TRHDE: variants seen among roughly 807,000 people sequenced by gnomAD.
TRHDE encodes the protein thyrotropin releasing hormone degrading enzyme.
TRHDE carries 72 observed loss-of-function variants against 125.7 expected under a neutral mutation model. That is an observed-to-expected ratio of 0.57 (90% confidence interval 0.47 to 0.70). TRHDE has a LOEUF of 0.70. TRHDE is among the 30% of genes least tolerant of loss of function. The probability of loss-of-function intolerance (pLI) is 0.00; values close to 1 mark genes in which losing one functional copy is unlikely to be tolerated. For missense variants in TRHDE, 1,110 were observed against 1,327.1 expected, an observed-to-expected ratio of 0.84 and a Z score of 2.54; for synonymous variants, 509 against 509.1, an observed-to-expected ratio of 1.00 and a Z score of 0.00.
At chr12:72,507,014 C>G (rs988132437) in intron 6 of TRHDE, among the ~76,000 whole-genome samples, 2 of 152,120 alleles carry the variant, frequency 1.3e-5, no homozygotes, top group Non-Finnish European at 2.9e-5. Context: ...ATGTATACCA[C>G]CTCACCCTAC....
At chr12:72,168,880 G>C (rs1295245948) in intron 2 of TRHDE, among the ~76,000 whole-genome samples, 1 of 152,128 alleles carries the variant, frequency 6.6e-6, no homozygotes, top group Admixed American at 6.6e-5. Context: ...ACAGGACTGA[G>C]TTTCTTTACT....
intron 1 of TRHDE, among the ~76,000 whole-genome samples, chr12:72,282,336 C>T (rs1387218240): frequency 6.6e-6 from 1 of 152,138 alleles, no homozygotes; most frequent in Non-Finnish European, 1.5e-5. Flanking sequence ...ACCTCAAACT[C>T]ACCACAAATT....
At position 72,652,359 on chromosome 12, in the gene TRHDE, G is replaced by A. The variant is rs1874539402; in HGVS notation, c.2713G>A (p.Gly905Arg). The change falls in exon 16 of 19, where the codon GGA (glycine) becomes AGA (arginine). Residue 905 changes from glycine (G) to arginine (R), a missense_variant. Physicochemically the swap from Gly to Arg is moderately radical, Grantham distance 125. Transcript: ENST00000261180. ...TGTTAGAGACATCGTATACTGTACA[G>A]GAGTGTCACTACTGGATGAGGATGT... ...LNVRDIVYCT[G>R]VSLLDEDVWE... The A allele has an allele frequency of 6.2e-7, 1 of 1,604,174 alleles. No homozygotes were observed. The highest frequency in any genetic ancestry group is 8.5e-7 in the Non-Finnish European group (1 of 1,175,060).
At chr12:72,427,177 G>A (rs997960703) in intron 3 of TRHDE, among the ~76,000 whole-genome samples, 2 of 151,994 alleles carry the variant, frequency 1.3e-5, no homozygotes, top group African/African-American at 4.8e-5. Flanking sequence ...GGCCAAATTT[G>A]GCCCTTCAGG....
In TRHDE at chr12:72,374,554, AC is replaced by A. The variant is rs1871786940; in HGVS notation, c.1189-3438del. ...GAGATCAATGTATTGAAACCTGGGA[AC>A]CCTCCAACATTAATCAATGATTGGG... On this transcript the variant is annotated intron_variant, in intron 2 of 18. Coordinates refer to ENST00000261180, the MANE Select transcript of TRHDE (RefSeq NM_013381.3). Among the ~76,000 whole-genome samples, 3 of 152,102 alleles carry A rather than the reference AC, an allele frequency of 2.0e-5. No homozygotes were observed. In the South Asian group the frequency reaches 6.2e-4, roughly 32 times the overall value.
rs143315439 is a variant in TRHDE at position 72,631,033 on chromosome 12, T to C, written c.2675+9282T>C. ...AGAAAAAAATAAAGTGACTTATATT[T>C]AATTTTCATATATAAATAAACCTTA... On this transcript the variant is annotated intron_variant, in intron 15 of 18. Coordinates refer to ENST00000261180, the MANE Select transcript of TRHDE (RefSeq NM_013381.3). 7.9e-5 allele frequency among the ~76,000 whole-genome samples: 12 copies of C among 150,964 alleles called. No homozygotes were observed. In the East Asian group the frequency reaches 2.3e-3, roughly 29 times the overall value.
At chr12:72,306,267 A>C (rs1182190900) in intron 2 of TRHDE, among the ~76,000 whole-genome samples, 1 of 152,208 alleles carries the variant, frequency 6.6e-6, no homozygotes, top group Non-Finnish European at 1.5e-5. Context: ...ACTAAAAGAC[A>C]GTGTTCATTG....
chr12:72,163,564 C>A (rs1325843452), intron 2 of TRHDE, among the ~76,000 whole-genome samples: 3 of 152,138 alleles, frequency 2.0e-5, no homozygotes, highest in Non-Finnish European at 2.9e-5. Flanking sequence ...TGTTGCTAGA[C>A]CAAGGCTTTG....
chr12:72,326,495 A>G (rs1247547767), intron 2 of TRHDE, among the ~76,000 whole-genome samples: 1 of 152,176 alleles, frequency 6.6e-6, no homozygotes, highest in Non-Finnish European at 1.5e-5. Flanking sequence ...GCAGCAAACC[A>G]CCATGGCACA....
intron 2 of TRHDE, among the ~76,000 whole-genome samples, chr12:72,132,550 C>A (rs114715513): frequency 0.035 from 5,285 of 152,284 alleles, 161 homozygotes; most frequent in African/African-American, 0.084. Flanking sequence ...GTGAATCTGA[C>A]CTCCTTACAA....
intron 1 of TRHDE, among the ~76,000 whole-genome samples, chr12:72,105,052 C>T (rs1040390542): frequency 6.6e-6 from 1 of 152,104 alleles, no homozygotes; most frequent in East Asian, 1.9e-4. Flanking sequence ...TGAAGTACTT[C>T]AAGGAGGGAC....
chr12:72,482,871 A>G (rs190298348), intron 5 of TRHDE, among the ~76,000 whole-genome samples: 53 of 152,108 alleles, frequency 3.5e-4, no homozygotes, highest in African/African-American at 1.3e-3. Flanking sequence ...AAAAAAATCT[A>G]TAAACAAATT....
intron 2 of TRHDE, among the ~76,000 whole-genome samples, chr12:72,319,852 A>T (rs556629423): frequency 1.3e-5 from 2 of 152,070 alleles, no homozygotes; most frequent in Non-Finnish European, 2.9e-5. Flanking sequence ...GAAATCAATA[A>T]CATGGTTTTT....
intron 5 of TRHDE, among the ~76,000 whole-genome samples, chr12:72,479,894 T>C (rs1877084999): frequency 6.7e-6 from 1 of 149,824 alleles, no homozygotes. Flanking sequence ...TTCCCACCTA[T>C]AAGTGAGAAC....
intron 1 of TRHDE, among the ~76,000 whole-genome samples, chr12:72,087,738 C>T (rs1225578562): frequency 6.6e-6 from 1 of 151,908 alleles, no homozygotes; most frequent in Non-Finnish European, 1.5e-5. Context: ...AACAACTGCT[C>T]AGGGAATGGG....
chr12:72,534,831 T>TAACA (rs530113513), intron 6 of TRHDE, among the ~76,000 whole-genome samples: 1,947 of 152,194 alleles, frequency 0.013, 28 homozygotes, highest in Non-Finnish European at 0.017. Context: ...CACAAAGGAT[T>TAACA]AACATTGCAA....
chr12:72,586,799 A>G (rs953130697), intron 12 of TRHDE, among the ~76,000 whole-genome samples: 1 of 152,086 alleles, frequency 6.6e-6, no homozygotes, highest in African/African-American at 2.4e-5. Context: ...AAATGAAAAA[A>G]AAAAAAAAAG....
At chr12:72,445,276 A>G (rs996741104) in intron 3 of TRHDE, among the ~76,000 whole-genome samples, 1 of 151,876 alleles carries the variant, frequency 6.6e-6, no homozygotes, top group Non-Finnish European at 1.5e-5. Context: ...TTTTTTAATA[A>G]GTGAAAATAA....
At chr12:72,601,855 A>C (rs953902837) in intron 12 of TRHDE, among the ~76,000 whole-genome samples, 4 of 152,164 alleles carry the variant, frequency 2.6e-5, no homozygotes, top group Non-Finnish European at 5.9e-5. Flanking sequence ...AAAACCAAAA[A>C]AATTTGTGAC....
Sources: gnomAD v4.1 joint callset for allele counts (sites outside exome capture counted in the v4.1 genomes callset) on GRCh38, gnomAD v4.1.1 for gene constraint, MANE v1.5 for transcripts, NCBI Gene and HGNC (gene_info 2026-07-23, HGNC 2026-07-21) for gene names.